STON2: variants seen among roughly 807,000 people sequenced by gnomAD.
STON2 encodes stonin 2, also known as stonin-2.
Under a neutral mutation model 65.7 loss-of-function variants are expected in STON2, and 29 were observed. That is an observed-to-expected ratio of 0.44 (90% confidence interval 0.33 to 0.60). The LOEUF (loss-of-function observed/expected upper bound fraction) is 0.60. Among genes scored for constraint, STON2 ranks in the 20% least tolerant of loss-of-function variants. The pLI is 0.03. For missense variants in STON2, 1,054 were observed against 1,118.1 expected (o/e 0.94, Z 0.82); for synonymous variants, 404 against 414.2 (o/e 0.98, Z 0.30).
chr14:81,327,142 C>T (rs929324805), intron 4 of STON2, among the ~76,000 whole-genome samples: 5 of 152,102 alleles, frequency 3.3e-5, no homozygotes, highest in Admixed American at 2.0e-4. Context: ...TGAGCAACAG[C>T]GCAAGACTCC....
intron 3 of STON2, among the ~76,000 whole-genome samples, chr14:81,375,908 C>T (rs951804425): frequency 1.4e-4 from 21 of 149,362 alleles, no homozygotes; most frequent in African/African-American, 5.2e-4. Flanking sequence ...ATCTAGTTGT[C>T]TATACTAGAT....
At chr14:81,303,062 GTGTGTGT>G (rs1566897965) in intron 5 of STON2, among the ~76,000 whole-genome samples, 4 of 133,956 alleles carry the variant, frequency 3.0e-5, no homozygotes, top group African/African-American at 9.7e-5. Flanking sequence ...TGTGGGGGGT[GTGTGTGT>G]GTGTGTGTGT....
chr14:81,273,917 A>G (rs1448140682), intron 6 of STON2, among the ~76,000 whole-genome samples: 1 of 152,224 alleles, frequency 6.6e-6, no homozygotes, highest in African/African-American at 2.4e-5. Flanking sequence ...AAGAAGGTTA[A>G]GGATTACAAA....
chr14:81,339,110 G>GAAAGAAAGGGCAGGAGA (rs1408041996), intron 4 of STON2, among the ~76,000 whole-genome samples: 1 of 152,050 alleles, frequency 6.6e-6, no homozygotes, highest in African/African-American at 2.4e-5. Context: ...AGGGCAGGAG[G>GAAAGAAAGGGCAGGAGA]AAAGAAAGGG....
Position 81,413,123 on chromosome 14 carries a change from C to G in STON2, c.-199+13979G>C. ...GAAGGAATGTGACAAGAAGTACAATCCCACCTGACACTGCATCGTGGGGAG... is the reference window on the plus strand; with the variant it reads ...GAAGGAATGTGACAAGAAGTACAATGCCACCTGACACTGCATCGTGGGGAG... On this transcript the variant is annotated intron_variant, in intron 2 of 8. Transcript: ENST00000553821. 4.0e-6 allele frequency: 5 copies of G among 1,260,214 alleles called. 1 individual carries two copies. The highest frequency in any genetic ancestry group is 2.6e-5 in the South Asian group (2 of 76,348). The allele number at this position is 1,260,214 out of a possible 1,614,324, so 78.1% of individuals were successfully genotyped here. A position where few individuals can be genotyped will look rare whatever the true frequency, so the allele number is the denominator to read the frequency against.
In STON2 at chr14:81,266,429, A is replaced by C. The variant is rs964384974; in HGVS notation, c.*1985T>G. On this transcript the variant is annotated 3_prime_UTR_variant, in exon 8 of 8. Coordinates refer to ENST00000614646, the MANE Select transcript of STON2 (RefSeq NM_001394390.1). ...CATAGCTCAATAGAAATTTCTAGGC[A>C]GCTATTGTATCATTCCCTCCTTGTC... 9.9e-5 allele frequency among the ~76,000 whole-genome samples: 15 copies of C among 152,188 alleles called. No homozygotes were observed. Among genetic ancestry groups the C allele is most frequent in the Non-Finnish European group, 1.8e-4 (12 of 68,030 alleles).
chr14:81,373,186 G>GT (rs1311604138), intron 3 of STON2, among the ~76,000 whole-genome samples: 1 of 152,132 alleles, frequency 6.6e-6, no homozygotes, highest in African/African-American at 2.4e-5. Flanking sequence ...TCCTGGAATA[G>GT]TGCCTGGTAT....
chr14:81,361,560 A>AG (rs1396535982), intron 4 of STON2, among the ~76,000 whole-genome samples: 1 of 152,138 alleles, frequency 6.6e-6, no homozygotes, highest in African/African-American at 2.4e-5. Context: ...AGAAAATATA[A>AG]GGGAAAAACT....
At chr14:81,376,004 G>A (rs1208923247) in intron 3 of STON2, among the ~76,000 whole-genome samples, 1 of 151,130 alleles carries the variant, frequency 6.6e-6, no homozygotes, top group South Asian at 2.1e-4. Flanking sequence ...TAAATATTAG[G>A]AAATATTTTG....
At chr14:81,380,643 T>TA (rs1004577902) in intron 3 of STON2, among the ~76,000 whole-genome samples, 2 of 151,678 alleles carry the variant, frequency 1.3e-5, no homozygotes, top group African/African-American at 2.4e-5. Flanking sequence ...TACGCAGCCA[T>TA]AAAAAAAATG....
At chr14:81,345,601 A>G (rs1013526916) in intron 4 of STON2, among the ~76,000 whole-genome samples, 7 of 152,280 alleles carry the variant, frequency 4.6e-5, no homozygotes, top group Non-Finnish European at 2.9e-5. Flanking sequence ...GTCTCTACAA[A>G]AAAACAAAAA....
chr14:81,378,848 A>G (rs1025701302), intron 3 of STON2, among the ~76,000 whole-genome samples: 2 of 152,228 alleles, frequency 1.3e-5, no homozygotes, highest in African/African-American at 4.8e-5. Flanking sequence ...CCATCATAGT[A>G]TAGAAAAAGC....
chr14:81,306,167 C>CTCTCTCTCTCTCTA (rs760274489), intron 5 of STON2, among the ~76,000 whole-genome samples: 6 of 132,346 alleles, frequency 4.5e-5, no homozygotes, highest in African/African-American at 1.9e-4. Flanking sequence ...CTCTCTCTCT[C>CTCTCTCTCTCTCTA]TATATATATA....
In STON2 at chr14:81,263,575, C is replaced by T. The variant is rs1362398322; in HGVS notation, c.*4839G>A. ...AAAAAAAAAAACAAAAAAGAAAATG[C>T]TATTTTTTGGCCATGTTTTTAAAGC... On this transcript the variant is annotated 3_prime_UTR_variant, in exon 8 of 8. Coordinates refer to ENST00000614646, the MANE Select transcript of STON2 (RefSeq NM_001394390.1). 3.9e-5 allele frequency: 6 copies of T among 155,638 alleles called. No individual in the cohort carries two copies. The highest frequency in any genetic ancestry group is 6.6e-5 in the Non-Finnish European group (5 of 75,386). 9.6% of individuals were successfully genotyped at this position (155,638 alleles called of 1,614,324 possible).
At chr14:81,322,954 T>G (rs1172580679) in intron 5 of STON2, among the ~76,000 whole-genome samples, 1 of 152,236 alleles carries the variant, frequency 6.6e-6, no homozygotes, top group Non-Finnish European at 1.5e-5. Context: ...TTCACAGGTG[T>G]CATGGCAGTG....
At chr14:81,306,093 A>G (rs1896161355) in intron 5 of STON2, among the ~76,000 whole-genome samples, 1 of 150,218 alleles carries the variant, frequency 6.7e-6, no homozygotes, top group African/African-American at 2.5e-5. Flanking sequence ...TCAACTTGCA[A>G]TACACTCTCC....
Position 81,371,139 on chromosome 14 carries a change from G to C in STON2, c.420C>G (p.Ser140=). ...MPCWTCPSFD[S]LGRCPLTSES... ...CAGAAGTCAGAGGGCATCTCCCCAGGGAGTCAAAGGAAGGGCATGTCCAGC... is the reference window on the plus strand; with the variant it reads ...CAGAAGTCAGAGGGCATCTCCCCAGCGAGTCAAAGGAAGGGCATGTCCAGC... The change falls in exon 4 of 8, where the codon TCC becomes TCG. Residue 140 remains serine (S), a synonymous_variant. Transcript: ENST00000614646. The C allele has an allele frequency of 6.2e-7, 1 of 1,614,128 alleles. No individual in the cohort carries two copies. The highest frequency in any genetic ancestry group is 1.1e-5 in the South Asian group (1 of 91,076).
At chr14:81,372,281 C>T (rs990179208) in intron 3 of STON2, among the ~76,000 whole-genome samples, 2 of 152,178 alleles carry the variant, frequency 1.3e-5, no homozygotes, top group South Asian at 2.1e-4. Flanking sequence ...CGGCCGGGCA[C>T]GGTGGCTCAC....
intron 3 of STON2, among the ~76,000 whole-genome samples, chr14:81,390,138 G>C (rs999993705): frequency 2.6e-5 from 4 of 151,332 alleles, no homozygotes; most frequent in Non-Finnish European, 5.9e-5. Flanking sequence ...TGAACCCAGT[G>C]AGCTGAGATT....
Sources: allele counts gnomAD v4.1 joint callset (sites outside exome capture counted in the v4.1 genomes callset), GRCh38; gene constraint gnomAD v4.1.1; transcripts MANE v1.5; gene names NCBI Gene and HGNC (gene_info 2026-07-23, HGNC 2026-07-21).